The following CSMD1 variants were observed in gnomAD, a reference collection of about 807,000 sequenced individuals.
CSMD1 encodes the protein CUB and Sushi multiple domains 1, also known as CUB and sushi domain-containing protein 1.
CSMD1 carries 213 observed loss-of-function variants against 417.5 expected under a neutral mutation model. The observed-to-expected ratio is 0.51, with a 90% CI of 0.46 to 0.57. The LOEUF (loss-of-function observed/expected upper bound fraction) is 0.57, where lower values mean the gene tolerates loss of function less well. CSMD1 is among the 20% of genes least tolerant of loss of function. The probability of loss-of-function intolerance (pLI) is 0.00; values close to 1 mark genes in which losing one functional copy is unlikely to be tolerated. For synonymous variants in CSMD1, 2,862 were observed against 1,736.8 expected (o/e 1.65, Z -16.11); for missense variants, 6,923 against 4,529.7 (o/e 1.53, Z -15.17).
chr8:4,368,918 G>A (rs963509269), intron 3 of CSMD1, among the ~76,000 whole-genome samples: 3 of 151,884 alleles, frequency 2.0e-5, no homozygotes, highest in Non-Finnish European at 1.5e-5. Flanking sequence ...TGGTTTTATT[G>A]ATCTCTTATA....
intron 3 of CSMD1, among the ~76,000 whole-genome samples, chr8:4,246,087 A>T (rs1001143901): frequency 1.3e-5 from 2 of 152,114 alleles, no homozygotes; most frequent in Non-Finnish European, 2.9e-5. Context: ...AAGTAAACTT[A>T]TGTCATGGGA....
At chr8:3,502,457 G>A (rs1314354814) in intron 10 of CSMD1, among the ~76,000 whole-genome samples, 2 of 151,836 alleles carry the variant, frequency 1.3e-5, no homozygotes, top group African/African-American at 4.8e-5. Flanking sequence ...AAATTAGGAA[G>A]CAACCAATAT....
chr8:3,486,019 T>C (rs776157090), intron 11 of CSMD1, among the ~76,000 whole-genome samples: 1 of 152,114 alleles, frequency 6.6e-6, no homozygotes, highest in Non-Finnish European at 1.5e-5. Context: ...TGACTATCGA[T>C]TCGAGTTCTC....
At chr8:4,578,060 AG>A (rs1425589771) in intron 2 of CSMD1, among the ~76,000 whole-genome samples, 2 of 152,162 alleles carry the variant, frequency 1.3e-5, no homozygotes, top group Non-Finnish European at 2.9e-5. Flanking sequence ...GTGTGTAAAA[AG>A]TTGACTGTGC....
chr8:3,224,284 T>C (rs1278447847), intron 27 of CSMD1, among the ~76,000 whole-genome samples: 2 of 152,266 alleles, frequency 1.3e-5, no homozygotes, highest in African/African-American at 2.4e-5. Context: ...ATTATTTTGC[T>C]ATTTCTCACA....
intron 8 of CSMD1, among the ~76,000 whole-genome samples, chr8:3,615,442 G>C (rs76952829): frequency 0.057 from 8,623 of 152,148 alleles, 408 homozygotes; most frequent in East Asian, 0.23. Context: ...TTCATCTCAA[G>C]CTCTGCCTCA....
In CSMD1 at chr8:3,029,526, C is replaced by T. The variant is rs376736496; in HGVS notation, c.7661-13G>A. 384 of 1,575,462 alleles carry T rather than the reference C, an allele frequency of 2.4e-4. 2 individuals are homozygous for T. The highest frequency in any genetic ancestry group is 4.6e-4 in the Admixed American group (25 of 53,914). The stretch of plus-strand genomic sequence containing the variant: ...GGGCAAGCGACCGCTGGAAGGGAAA[C>T]GTACATCACATCATCATTTTTCTTT... On this transcript the variant is annotated splice_polypyrimidine_tract_variant and intron_variant, in intron 50 of 69. Coordinates refer to ENST00000635120, the MANE Select transcript of CSMD1 (RefSeq NM_033225.6).
intron 37 of CSMD1, among the ~76,000 whole-genome samples, chr8:3,176,036 A>G (rs908437694): frequency 6.6e-6 from 1 of 152,322 alleles, no homozygotes; most frequent in African/African-American, 2.4e-5. Context: ...GATAGATGTC[A>G]TTAGATGAGG....
chr8:4,690,507 T>C (rs1324934244), intron 1 of CSMD1, among the ~76,000 whole-genome samples: 4 of 152,176 alleles, frequency 2.6e-5, no homozygotes, highest in Non-Finnish European at 1.5e-5. Flanking sequence ...ATTATGATAT[T>C]TGAGTGGTAT....
Position 3,071,620 on chromosome 8 carries a change from T to A in CSMD1, c.7474+15477A>T, listed in dbSNP as rs147213390. ...AACCTCAAGTGGATTATTTCTCACA[T>A]GATTTTCAAATTTAAAAATAAATGC... On this transcript the variant is annotated intron_variant, in intron 49 of 69. Coordinates refer to ENST00000635120, the MANE Select transcript of CSMD1 (RefSeq NM_033225.6). Among the ~76,000 whole-genome samples, 1,117 of 152,328 alleles carry A rather than the reference T, an allele frequency of 7.3e-3. 15 individuals are homozygous for A. Among genetic ancestry groups the A allele is most frequent in the African/African-American group, 0.025 (1,046 of 41,574 alleles).
intron 5 of CSMD1, among the ~76,000 whole-genome samples, chr8:3,828,616 G>A (rs965978622): frequency 1.7e-4 from 26 of 151,908 alleles, no homozygotes; most frequent in South Asian, 4.2e-4. Flanking sequence ...ATTTCTTCCT[G>A]TCCCAATCCC....
At chr8:3,474,678 T>A (rs1384478002) in intron 11 of CSMD1, among the ~76,000 whole-genome samples, 3 of 152,172 alleles carry the variant, frequency 2.0e-5, no homozygotes, top group Non-Finnish European at 2.9e-5. Context: ...GGTTTTGGTA[T>A]ACAGAGTTTT....
chr8:3,369,512 G>A (rs891375712), intron 18 of CSMD1, 142 bp from the exon 19 acceptor site: 3 of 592,720 alleles, frequency 5.1e-6, no homozygotes, highest in Admixed American at 6.0e-5. Flanking sequence ...CAGAACCTGA[G>A]CTTTATGTTA....
intron 2 of CSMD1, among the ~76,000 whole-genome samples, chr8:4,629,648 G>C (rs527666141): frequency 6.6e-6 from 1 of 152,252 alleles, no homozygotes; most frequent in Non-Finnish European, 1.5e-5. Context: ...GTCCTGCCTA[G>C]AAAGACACTT....
In CSMD1 at chr8:3,992,391, A is replaced by G. The variant is rs894907558; in HGVS notation, c.818+5512T>C. ...CCAGCACAAGTTTACTATTAAATCA[A>G]TCTAATCAGTGATTGGCTGAAGTTA... is the stretch of plus-strand genomic sequence containing the variant. On this transcript the variant is annotated intron_variant, in intron 5 of 69. Transcript: ENST00000635120. Among the ~76,000 whole-genome samples, 6 of 152,164 alleles carry G rather than the reference A, an allele frequency of 3.9e-5. No homozygotes were observed. In the South Asian group the frequency reaches 6.2e-4, roughly 16 times the overall value.
At chr8:3,806,913 G>C (rs954117946) in intron 5 of CSMD1, among the ~76,000 whole-genome samples, 1 of 152,120 alleles carries the variant, frequency 6.6e-6, no homozygotes, top group Non-Finnish European at 1.5e-5. Context: ...TCCAGTAGTA[G>C]TGAGGTACTT....
At chr8:3,937,135 A>G (rs1226087678) in intron 5 of CSMD1, among the ~76,000 whole-genome samples, 1 of 152,196 alleles carries the variant, frequency 6.6e-6, no homozygotes, top group Non-Finnish European at 1.5e-5. Flanking sequence ...CTTCTTATGG[A>G]TGAGCAAAGA....
intron 3 of CSMD1, among the ~76,000 whole-genome samples, chr8:4,041,662 A>C (rs1297311303): frequency 1.3e-5 from 2 of 152,204 alleles, no homozygotes; most frequent in Admixed American, 1.3e-4. Flanking sequence ...AATCAATGAA[A>C]AGTGAGCCAG....
chr8:4,767,147 A>C (rs189218933), intron 1 of CSMD1, among the ~76,000 whole-genome samples: 138 of 152,274 alleles, frequency 9.1e-4, no homozygotes, highest in African/African-American at 3.1e-3. Flanking sequence ...TGGGTTAATA[A>C]CAGTTTGGAC....
Sources: allele counts gnomAD v4.1 joint callset (sites outside exome capture counted in the v4.1 genomes callset), GRCh38; gene constraint gnomAD v4.1.1; transcripts MANE v1.5; gene names NCBI Gene and HGNC (gene_info 2026-07-23, HGNC 2026-07-21).